CDH20: variants seen among roughly 807,000 people sequenced by gnomAD.
CDH20 encodes cadherin-20.
In CDH20, 29 loss-of-function variants were observed where a neutral mutation model predicts 74.2. That is an observed-to-expected ratio of 0.39 (90% CI 0.29 to 0.53). CDH20 has a LOEUF of 0.53. Ranked by LOEUF, CDH20 falls within the 20% of genes least tolerant of loss-of-function variation. The pLI is 0.69. For synonymous variants in CDH20, 469 were observed against 405.4 expected, an observed-to-expected ratio of 1.16 and a Z score of -1.88; for missense variants, 988 against 1,048.3, an observed-to-expected ratio of 0.94 and a Z score of 0.79.
In CDH20 at chr18:61,449,763, A is replaced by AAT. The variant is rs1555677334; in HGVS notation, c.-152-40625_-152-40624dup. 2.9e-4 allele frequency among the ~76,000 whole-genome samples: 44 copies of AAT among 150,746 alleles called. 2 individuals carry two copies. Among genetic ancestry groups the AAT allele is most frequent in the East Asian group, 1.4e-3 (7 of 5,152 alleles). ...CAGCCCAGATTTTAAAATAGAAAAA[A>AAT]ATATATATATATATACACACACACA... is the stretch of plus-strand genomic sequence containing the variant. On this transcript the variant is annotated intron_variant, in intron 1 of 11. Coordinates refer to ENST00000262717, the MANE Select transcript of CDH20 (RefSeq NM_031891.4).
chr18:61,465,712 G>A (rs1243634458), intron 1 of CDH20, among the ~76,000 whole-genome samples: 2 of 151,996 alleles, frequency 1.3e-5, no homozygotes, highest in Admixed American at 1.3e-4. Flanking sequence ...ACAGCATAGA[G>A]GATCAAAGCA....
At chr18:61,448,883 G>A (rs533329338) in intron 1 of CDH20, among the ~76,000 whole-genome samples, 26 of 152,086 alleles carry the variant, frequency 1.7e-4, no homozygotes, top group Non-Finnish European at 3.5e-4. Flanking sequence ...CACTCTTCAG[G>A]TTCCTCTACG....
intron 1 of CDH20, among the ~76,000 whole-genome samples, chr18:61,465,345 G>A (rs2144366542): frequency 6.6e-6 from 1 of 152,248 alleles, no homozygotes; most frequent in African/African-American, 2.4e-5. Flanking sequence ...TCATAACTTT[G>A]GATCTGATAG....
intron 1 of CDH20, among the ~76,000 whole-genome samples, chr18:61,439,150 C>T (rs1568139571): frequency 6.6e-6 from 1 of 152,106 alleles, no homozygotes; most frequent in Non-Finnish European, 1.5e-5. Flanking sequence ...CTATTGAGTA[C>T]TAGGCTTAGT....
intron 1 of CDH20, among the ~76,000 whole-genome samples, chr18:61,359,664 T>A (rs1266575436): frequency 2.0e-5 from 3 of 152,194 alleles, no homozygotes; most frequent in Non-Finnish European, 2.9e-5. Context: ...TTGTCTCCCA[T>A]CCCTGGGGAT....
At chr18:61,402,633 G>A (rs531279869) in intron 1 of CDH20, among the ~76,000 whole-genome samples, 43 of 152,098 alleles carry the variant, frequency 2.8e-4, no homozygotes, top group Non-Finnish European at 5.3e-4. Flanking sequence ...CTGAAAATAG[G>A]ATTCCAGGTA....
Position 61,554,805 on chromosome 18 carries a change from G to T in CDH20, c.*110G>T, listed in dbSNP as rs756980357. On this transcript the variant is annotated 3_prime_UTR_variant, in exon 12 of 12. Transcript: ENST00000262717. Reference sequence around the variant, plus strand: ...AATACTGTGCTGGAGAGTGAGAATGGGGGTGAGCAGGCGAACAGAGCTCTC... The same window carrying T: ...AATACTGTGCTGGAGAGTGAGAATGTGGGTGAGCAGGCGAACAGAGCTCTC... 2.8e-6 allele frequency: 4 copies of T among 1,434,900 alleles called. No homozygotes were observed. The highest frequency in any genetic ancestry group is 2.5e-5 in the East Asian group (1 of 39,816). 88.9% of individuals were successfully genotyped at this position (1,434,900 alleles called of 1,614,324 possible). A position where few individuals can be genotyped will look rare whatever the true frequency, so the allele number is the denominator to read the frequency against.
At chr18:61,371,180 C>T (rs895329688) in intron 1 of CDH20, among the ~76,000 whole-genome samples, 6 of 152,042 alleles carry the variant, frequency 3.9e-5, no homozygotes, top group African/African-American at 1.4e-4. Flanking sequence ...GGATTAGTAA[C>T]CTGTAATTAA....
intron 1 of CDH20, among the ~76,000 whole-genome samples, chr18:61,483,060 T>A (rs1910641978): frequency 6.6e-6 from 1 of 152,188 alleles, no homozygotes; most frequent in Non-Finnish European, 1.5e-5. Context: ...TGCCCTTTTA[T>A]TTTTCAGGGT....
intron 1 of CDH20, among the ~76,000 whole-genome samples, chr18:61,393,432 G>A (rs1911859078): frequency 6.6e-6 from 1 of 152,184 alleles, no homozygotes; most frequent in Non-Finnish European, 1.5e-5. Context: ...TTTGCATAGA[G>A]CCCAGCCGTT....
At chr18:61,503,152 C>A in intron 5 of CDH20, 32 bp downstream of exon 5, 1 of 1,525,234 alleles carries the variant, frequency 6.6e-7, no homozygotes, top group Non-Finnish European at 8.8e-7. Context: ...GCACAGACCT[C>A]GGGCCCAGAG....
chr18:61,470,247 C>G (rs1910117382), intron 1 of CDH20, among the ~76,000 whole-genome samples: 1 of 152,212 alleles, frequency 6.6e-6, no homozygotes, highest in Non-Finnish European at 1.5e-5. Context: ...CTTATCATCC[C>G]TGTACACAAC....
intron 1 of CDH20, among the ~76,000 whole-genome samples, chr18:61,472,105 T>A (rs1910202170): frequency 6.6e-6 from 1 of 152,044 alleles, no homozygotes; most frequent in Non-Finnish European, 1.5e-5. Context: ...GGGCCAGCAT[T>A]CTTTGTCCTT....
rs185327604 is a variant in CDH20 at position 61,464,360 on chromosome 18, C to T, written c.-152-26042C>T. Among the ~76,000 whole-genome samples, 24 of 152,058 alleles carry T rather than the reference C, an allele frequency of 1.6e-4. 1 individual carries two copies. The East Asian group carries it at 4.6e-3, about 29-fold the overall frequency. The stretch of plus-strand genomic sequence containing the variant: ...TATTGCACAATTCTTATTATTTTTC[C>T]TGTCCAAACCTAGTCTCACCCCTTC... On this transcript the variant is annotated intron_variant, in intron 1 of 11. Transcript: ENST00000262717.
At chr18:61,547,931 C>T (rs891220482) in intron 10 of CDH20, among the ~76,000 whole-genome samples, 3 of 152,028 alleles carry the variant, frequency 2.0e-5, no homozygotes, top group African/African-American at 4.8e-5. Context: ...ACATATATAT[C>T]GTAGGTATAA....
chr18:61,462,246 C>G (rs1261434827), intron 1 of CDH20, among the ~76,000 whole-genome samples: 1 of 152,116 alleles, frequency 6.6e-6, no homozygotes, highest in East Asian at 1.9e-4. Flanking sequence ...TTGCTTTAGT[C>G]ATTTCACAAT....
chr18:61,456,977 C>T (rs1599097947), intron 1 of CDH20, among the ~76,000 whole-genome samples: 1 of 152,274 alleles, frequency 6.6e-6, no homozygotes, highest in East Asian at 1.9e-4. Context: ...CTCCCAAAGG[C>T]CCCACCTTCT....
chr18:61,519,080 T>C lies in CDH20; in HGVS notation c.1018-8887T>C, dbSNP rs1013867804. Among the ~76,000 whole-genome samples, 66 of 151,136 alleles carry C rather than the reference T, an allele frequency of 4.4e-4. 4 individuals are homozygous for C. The highest frequency in any genetic ancestry group is 1.6e-3 in the African/African-American group (65 of 40,660). On this transcript the variant is annotated intron_variant, in intron 6 of 11. Coordinates refer to ENST00000262717, the MANE Select transcript of CDH20 (RefSeq NM_031891.4). ...AAGACAAGATTAGAGAAAAAAAGAATGAAAACATATGAACAAAGCCTCCAA... is the reference window on the plus strand; with the variant it reads ...AAGACAAGATTAGAGAAAAAAAGAACGAAAACATATGAACAAAGCCTCCAA...
intron 1 of CDH20, among the ~76,000 whole-genome samples, chr18:61,411,003 A>G (rs897008607): frequency 6.6e-6 from 1 of 152,262 alleles, no homozygotes; most frequent in Non-Finnish European, 1.5e-5. Flanking sequence ...GATCAAGACC[A>G]TCCTGGTTAA....
Sources: gnomAD v4.1 joint callset for allele counts (sites outside exome capture counted in the v4.1 genomes callset) on GRCh38, gnomAD v4.1.1 for gene constraint, MANE v1.5 for transcripts, NCBI Gene and HGNC (gene_info 2026-07-23, HGNC 2026-07-21) for gene names.